The following FAM135A variants were observed in gnomAD, a reference collection of about 807,000 sequenced individuals.
FAM135A encodes the protein family with sequence similarity 135 member A.
In FAM135A, 79 loss-of-function variants were observed where a neutral mutation model predicts 146.8. The ratio of observed to expected loss-of-function variants is 0.54; its 90% CI spans 0.45 to 0.65. The LOEUF (loss-of-function observed/expected upper bound fraction) is 0.65. Among genes scored for constraint, FAM135A ranks in the 30% least tolerant of loss-of-function variants. FAM135A has a pLI of 0.00. For synonymous variants in FAM135A, 562 were observed against 603.6 expected (o/e 0.93, Z 1.01); for missense variants, 1,623 against 1,758.2 (o/e 0.92, Z 1.38).
intron 13 of FAM135A, among the ~76,000 whole-genome samples, chr6:70,523,596 G>T (rs1057453224): frequency 2.0e-5 from 3 of 152,078 alleles, no homozygotes; most frequent in Non-Finnish European, 4.4e-5. Flanking sequence ...CCCAGCACTA[G>T]CATCAAATAA....
At position 70,524,714 on chromosome 6, in the gene FAM135A, C is replaced by T; in HGVS notation, c.1630C>T (p.His544Tyr). The T allele has an allele frequency of 1.3e-6, 2 of 1,550,144 alleles. No individual in the cohort carries two copies. The highest frequency in any genetic ancestry group is 1.2e-5 in the South Asian group (1 of 83,512). ...LIKCFEGNPS[H>Y]SQKEGLDPTI... ...TAAATGCTTTGAAGGCAATCCTTCA[C>T]ATAGTCAGAAGGAAGGTCTGGATCC... is the stretch of plus-strand genomic sequence containing the variant. The change falls in exon 15 of 22, where the codon CAT (histidine) becomes TAT (tyrosine). Residue 544 changes from histidine to tyrosine, a missense_variant. Physicochemically the swap from His to Tyr is moderately conservative, Grantham distance 83. Transcript: ENST00000418814.
At chr6:70,554,997 A>G (rs951995547) in intron 20 of FAM135A, among the ~76,000 whole-genome samples, 17 of 152,200 alleles carry the variant, frequency 1.1e-4, no homozygotes, top group African/African-American at 3.9e-4. Context: ...CATTCAATTT[A>G]TAGGAAATGT....
intron 2 of FAM135A, among the ~76,000 whole-genome samples, chr6:70,422,812 A>G (rs1252913492): frequency 2.0e-5 from 3 of 152,228 alleles, no homozygotes; most frequent in East Asian, 3.8e-4. Flanking sequence ...GTTGAGTACT[A>G]TGTGCCAGAC....
intron 10 of FAM135A, among the ~76,000 whole-genome samples, chr6:70,485,977 C>T (rs962318086): frequency 2.6e-5 from 4 of 152,194 alleles, no homozygotes; most frequent in African/African-American, 4.8e-5. Context: ...TTGAGTGGCA[C>T]ATACATTTAA....
At chr6:70,477,046 C>T (rs1340753918) in intron 7 of FAM135A, 113 bp from the exon 8 acceptor site, 20 of 1,133,918 alleles carry the variant, frequency 1.8e-5, no homozygotes, top group East Asian at 2.7e-5. Flanking sequence ...TACTCTTATT[C>T]GAAATTTTTA....
intron 5 of FAM135A, among the ~76,000 whole-genome samples, chr6:70,467,811 T>TAAAC (rs1780763614): frequency 6.6e-6 from 1 of 152,186 alleles, no homozygotes; most frequent in Non-Finnish European, 1.5e-5. Flanking sequence ...GCTATAACAA[T>TAAAC]GTTTTCCTGT....
At chr6:70,457,082 G>T (rs1200015965) in intron 5 of FAM135A, among the ~76,000 whole-genome samples, 1 of 152,192 alleles carries the variant, frequency 6.6e-6, no homozygotes, top group Non-Finnish European at 1.5e-5. Flanking sequence ...ACTCAGAGTG[G>T]ATGCTGTGTT....
At chr6:70,519,832 TGTG>T (rs912454832) in intron 12 of FAM135A, among the ~76,000 whole-genome samples, 2 of 152,222 alleles carry the variant, frequency 1.3e-5, no homozygotes, top group African/African-American at 4.8e-5. Context: ...TTCACCTTAT[TGTG>T]GTGGTCTGGA....
At chr6:70,450,194 CT>C (rs1419549864) in intron 4 of FAM135A, among the ~76,000 whole-genome samples, 2 of 151,568 alleles carry the variant, frequency 1.3e-5, no homozygotes, top group East Asian at 1.9e-4. Flanking sequence ...AATATTTAAA[CT>C]TTTTTTTTCC....
At chr6:70,557,718 A>T (rs1159764754) in intron 21 of FAM135A, 1 of 149,838 alleles carries the variant, frequency 6.7e-6, no homozygotes, top group African/African-American at 2.5e-5. Flanking sequence ...AAAAAAAAAA[A>T]CCCTGGTCTC....
In FAM135A at chr6:70,435,102, TATATA is replaced by T. The variant is rs367891482; in HGVS notation, c.77+6684_77+6688del. Among the ~76,000 whole-genome samples the T allele has an allele frequency of 1.8e-3, 203 of 110,710 alleles. 1 individual carries two copies. Among genetic ancestry groups the T allele is most frequent in the African/African-American group, 7.4e-3 (171 of 23,238 alleles). 72.6% of individuals were successfully genotyped at this position (110,710 alleles called of 152,430 possible). A position where few individuals can be genotyped will look rare whatever the true frequency, so the allele number is the denominator to read the frequency against. ...GTGTGTATATATATATATATATATA[TATATA>T]TATTTTTTTTTTTTTTTAGATGGAG... On this transcript the variant is annotated intron_variant, in intron 4 of 21. Transcript: ENST00000418814.
At chr6:70,499,013 C>T (rs993503296) in intron 11 of FAM135A, among the ~76,000 whole-genome samples, 16 of 152,280 alleles carry the variant, frequency 1.1e-4, no homozygotes, top group Admixed American at 9.8e-4. Context: ...GAGCTGAATT[C>T]AAGTCCTGAA....
chr6:70,478,970 A>G (rs889389239), intron 8 of FAM135A, among the ~76,000 whole-genome samples: 3 of 152,076 alleles, frequency 2.0e-5, no homozygotes, highest in Admixed American at 1.3e-4. Context: ...TATTGCTTTT[A>G]TATGATTTTG....
chr6:70,498,736 C>T (rs1787873081), intron 11 of FAM135A, among the ~76,000 whole-genome samples: 1 of 152,144 alleles, frequency 6.6e-6, no homozygotes, highest in Non-Finnish European at 1.5e-5. Flanking sequence ...GTTGTTTACC[C>T]AGTAGTTATT....
rs540135221 is a variant in FAM135A, at chr6:70,529,958, G to A, written c.3775+1506G>A. Among the ~76,000 whole-genome samples, 46 of 152,250 alleles carry A rather than the reference G, an allele frequency of 3.0e-4. 1 individual carries two copies. The South Asian group carries it at 9.1e-3, about 30-fold the overall frequency. ...GGGCGCCTGTAGTCCCAGCTACTCC[G>A]GAGGCTGAGGCAGGAGAATGGCATG... is the stretch of plus-strand genomic sequence containing the variant. On this transcript the variant is annotated intron_variant, in intron 16 of 21. Transcript: ENST00000418814.
chr6:70,549,906 A>T (rs1365755196), intron 20 of FAM135A, among the ~76,000 whole-genome samples: 2 of 152,154 alleles, frequency 1.3e-5, no homozygotes, highest in Admixed American at 6.5e-5. Flanking sequence ...CTGCTTTTTC[A>T]ACTCTTTATG....
Position 70,413,652 on chromosome 6 carries a change from A to G in FAM135A, c.-270A>G, listed in dbSNP as rs1766760828. The G allele has an allele frequency of 3.5e-6, 1 of 284,214 alleles. No individual in the cohort carries two copies. Among genetic ancestry groups the G allele is most frequent in the African/African-American group, 2.3e-5 (1 of 43,794 alleles). 17.6% of individuals were successfully genotyped at this position (284,214 alleles called of 1,614,324 possible). A position where few individuals can be genotyped will look rare whatever the true frequency, so the allele number is the denominator to read the frequency against. The stretch of plus-strand genomic sequence containing the variant: ...TCGGGCCGTCTTCTTGCAGCTGGAC[A>G]ACGAGCTCCTCCGTTCGACAGGCGG... On this transcript the variant is annotated 5_prime_UTR_variant, in exon 1 of 22. Transcript: ENST00000418814.
At chr6:70,427,409 A>G (rs1048996792) in intron 3 of FAM135A, among the ~76,000 whole-genome samples, 4 of 152,068 alleles carry the variant, frequency 2.6e-5, no homozygotes, top group Admixed American at 6.5e-5. Flanking sequence ...GCGCATGCCT[A>G]TAGTCCCAGC....
Position 70,472,967 on chromosome 6 carries a change from C to T in FAM135A, c.158-2443C>T, listed in dbSNP as rs190244647. Among the ~76,000 whole-genome samples, 272 of 152,196 alleles carry T rather than the reference C, an allele frequency of 1.8e-3. 4 individuals are homozygous for T. Among genetic ancestry groups the T allele is most frequent in the East Asian group, 5.8e-4 (3 of 5,192 alleles). On this transcript the variant is annotated intron_variant, in intron 5 of 21. Transcript: ENST00000418814. The stretch of plus-strand genomic sequence containing the variant: ...TAAGGTGCTCTCTTCCCAGCTTCTC[C>T]GCTGTAACATTACTCTTTTTCACTT...
Sources: gnomAD v4.1 joint callset for allele counts (sites outside exome capture counted in the v4.1 genomes callset) on GRCh38, gnomAD v4.1.1 for gene constraint, MANE v1.5 for transcripts, NCBI Gene and HGNC (gene_info 2026-07-23, HGNC 2026-07-21) for gene names.